Variants in TENM4 observed in about 807,000 individuals in gnomAD.
TENM4 encodes teneurin transmembrane protein 4, also known as teneurin-4.
Under a neutral mutation model 243.3 loss-of-function variants are expected in TENM4, and 82 were observed. That is an observed-to-expected ratio of 0.34 (90% CI 0.28 to 0.40). The LOEUF is 0.40. Among genes scored for constraint, TENM4 ranks in the 10% least tolerant of loss-of-function variants. The pLI is 1.00. For missense variants in TENM4, 3,138 were observed against 3,673.3 expected, an observed-to-expected ratio of 0.85 and a Z score of 3.77; for synonymous variants, 1,412 against 1,456.3, an observed-to-expected ratio of 0.97 and a Z score of 0.69.
intron 1 of TENM4, among the ~76,000 whole-genome samples, chr11:79,390,909 C>T (rs1294689770): frequency 6.6e-6 from 1 of 152,166 alleles, no homozygotes; most frequent in African/African-American, 2.4e-5. Context: ...AGTATAGAGC[C>T]TAGCACACAG....
At chr11:78,917,727 ACT>A (rs773505820) in intron 6 of TENM4, among the ~76,000 whole-genome samples, 6 of 152,152 alleles carry the variant, frequency 3.9e-5, no homozygotes, top group Non-Finnish European at 5.9e-5. Flanking sequence ...TCTTTAGGCC[ACT>A]GTCTTTCCAT....
chr11:79,318,748 G>T (rs1048481407), intron 1 of TENM4, among the ~76,000 whole-genome samples: 1 of 152,176 alleles, frequency 6.6e-6, no homozygotes, highest in Non-Finnish European at 1.5e-5. Context: ...ATTTAAGTGT[G>T]AATTTATGCA....
intron 18 of TENM4, among the ~76,000 whole-genome samples, chr11:78,759,959 T>C (rs971787048): frequency 2.0e-5 from 3 of 152,226 alleles, no homozygotes; most frequent in African/African-American, 7.2e-5. Context: ...AGAACATGAA[T>C]TTCTGAATCT....
intron 6 of TENM4, among the ~76,000 whole-genome samples, chr11:79,045,906 C>CCA (rs1176867172): frequency 6.6e-6 from 1 of 152,198 alleles, no homozygotes; most frequent in African/African-American, 2.4e-5. Flanking sequence ...GGAGTCAAAC[C>CCA]CACACATTCT....
intron 6 of TENM4, among the ~76,000 whole-genome samples, chr11:79,018,343 C>T (rs1174476040): frequency 6.6e-6 from 1 of 152,120 alleles, no homozygotes; most frequent in African/African-American, 2.4e-5. Context: ...GCAGCTGGCT[C>T]CTTGGTCTGA....
At chr11:78,903,168 C>T in intron 7 of TENM4, 100 bp downstream of exon 7, 2 of 1,392,492 alleles carry the variant, frequency 1.4e-6, no homozygotes, top group Non-Finnish European at 1.9e-6. Flanking sequence ...CTCCGGCCGG[C>T]GTTATCTGGG....
intron 1 of TENM4, among the ~76,000 whole-genome samples, chr11:79,425,182 A>C (rs544876909): frequency 9.2e-5 from 14 of 152,254 alleles, no homozygotes; most frequent in Admixed American, 8.5e-4. Flanking sequence ...AGTATACTTA[A>C]CAACGGTGCT....
At chr11:79,258,725 G>A (rs1376140232) in intron 2 of TENM4, among the ~76,000 whole-genome samples, 3 of 152,182 alleles carry the variant, frequency 2.0e-5, no homozygotes, top group Non-Finnish European at 4.4e-5. Flanking sequence ...GGGCTTAAGC[G>A]GATGCAGTTA....
At chr11:79,066,389 G>A in intron 5 of TENM4, among the ~76,000 whole-genome samples, 1 of 152,324 alleles carries the variant, frequency 6.6e-6, no homozygotes, top group East Asian at 1.9e-4. Flanking sequence ...TGCCGGAGGG[G>A]TAGGAGGCGA....
At chr11:78,949,209 T>G (rs1857066758) in intron 6 of TENM4, among the ~76,000 whole-genome samples, 1 of 152,226 alleles carries the variant, frequency 6.6e-6, no homozygotes, top group Non-Finnish European at 1.5e-5. Context: ...GTCACATGGA[T>G]GCCAAACTCA....
At chr11:79,214,572 T>C (rs1005038445) in intron 3 of TENM4, among the ~76,000 whole-genome samples, 3 of 152,234 alleles carry the variant, frequency 2.0e-5, no homozygotes, top group South Asian at 2.1e-4. Flanking sequence ...ACAATTTCTC[T>C]AAGCCTCAAT....
chr11:78,794,974 A>G (rs940519560), intron 15 of TENM4, among the ~76,000 whole-genome samples: 6 of 152,172 alleles, frequency 3.9e-5, no homozygotes, highest in South Asian at 2.1e-4. Context: ...CAAACAGTCA[A>G]TGTAAGGGGG....
At chr11:79,260,587 G>A (rs1263835649) in intron 2 of TENM4, among the ~76,000 whole-genome samples, 3 of 152,124 alleles carry the variant, frequency 2.0e-5, no homozygotes, top group Non-Finnish European at 4.4e-5. Flanking sequence ...ACTCTTCAGG[G>A]GCAGGAGATC....
intron 4 of TENM4, among the ~76,000 whole-genome samples, chr11:79,103,024 G>T (rs948510843): frequency 1.3e-5 from 2 of 152,144 alleles, no homozygotes; most frequent in Non-Finnish European, 2.9e-5. Context: ...CCAAGACCCA[G>T]TACAACCTCC....
chr11:78,714,809 A>C, intron 25 of TENM4, among the ~76,000 whole-genome samples: 1 of 147,802 alleles, frequency 6.8e-6, no homozygotes. Context: ...CTCACCCTTC[A>C]CCTGTCAGTT....
chr11:79,423,790 T>C (rs1318377396), intron 1 of TENM4, among the ~76,000 whole-genome samples: 1 of 152,036 alleles, frequency 6.6e-6, no homozygotes, highest in Non-Finnish European at 1.5e-5. Context: ...GACCAGCAAG[T>C]GAGAGGAGGC....
intron 4 of TENM4, among the ~76,000 whole-genome samples, chr11:79,111,469 C>T (rs2512083): frequency 0.071 from 10,821 of 152,046 alleles, 1,224 homozygotes; most frequent in East Asian, 0.5. Flanking sequence ...GGTGTGAACC[C>T]GGGAGGTGGA....
intron 9 of TENM4, among the ~76,000 whole-genome samples, chr11:78,873,842 T>A (rs1859197152): frequency 1.3e-5 from 2 of 152,160 alleles, no homozygotes; most frequent in African/African-American, 4.8e-5. Context: ...TGTGGATTTC[T>A]CTGTCTCTTG....
At chr11:78,877,186 G>A (rs929562066) in intron 9 of TENM4, among the ~76,000 whole-genome samples, 1 of 151,826 alleles carries the variant, frequency 6.6e-6, no homozygotes, top group Admixed American at 6.6e-5. Flanking sequence ...TTGTTTTACT[G>A]ATAGGAAGAA....
Sources: gnomAD v4.1 joint callset for allele counts (sites outside exome capture counted in the v4.1 genomes callset) on GRCh38, gnomAD v4.1.1 for gene constraint, MANE v1.5 for transcripts, NCBI Gene and HGNC (gene_info 2026-07-23, HGNC 2026-07-21) for gene names.